The following GATAD2A variants were observed in gnomAD, a reference collection of about 807,000 sequenced individuals.
GATAD2A encodes the protein GATA zinc finger domain containing 2A, also known as transcriptional repressor p66-alpha.
GATAD2A carries 12 observed loss-of-function variants against 68.5 expected under a neutral mutation model. That is an observed-to-expected ratio of 0.18 (90% CI 0.11 to 0.28). GATAD2A has a LOEUF of 0.28. GATAD2A is among the 10% of genes least tolerant of loss of function. The pLI is 1.00. For synonymous variants in GATAD2A, 410 were observed against 375.3 expected, an observed-to-expected ratio of 1.09 and a Z score of -1.07; for missense variants, 755 against 868.5, an observed-to-expected ratio of 0.87 and a Z score of 1.64.
In GATAD2A at chr19:19,465,598, A is replaced by G. The variant is rs1446576714; in HGVS notation, c.253A>G (p.Met85Val). 1.2e-6 allele frequency: 2 copies of G among 1,610,578 alleles called. No individual in the cohort carries two copies. The highest frequency in any genetic ancestry group is 1.7e-5 in the Admixed American group (1 of 59,324). Residue 85 changes from methionine to valine, a missense_variant, in exon 2 of 12, where the codon ATG becomes GTG. By Grantham distance (21) the Met-to-Val change is conservative. Transcript: ENST00000683918. Reference sequence around the variant, plus strand: ...GCTGGTGGGCGATGGGCCCGTGGACATGCGCACCTCACACAGGTGAGTGGG... The same window carrying G: ...GCTGGTGGGCGATGGGCCCGTGGACGTGCGCACCTCACACAGGTGAGTGGG... ...EGLVGDGPVDMRTSHSDMKSE... is the reference protein window; with the variant it reads ...EGLVGDGPVDVRTSHSDMKSE...
chr19:19,410,539 G>A (rs953942197), intron 1 of GATAD2A, among the ~76,000 whole-genome samples: 2 of 152,214 alleles, frequency 1.3e-5, no homozygotes, highest in Non-Finnish European at 2.9e-5. Context: ...CTGGCGCTGC[G>A]TGGCCTGCCT....
chr19:19,435,404 T>C (rs1334620577), intron 1 of GATAD2A, among the ~76,000 whole-genome samples: 5 of 152,142 alleles, frequency 3.3e-5, no homozygotes, highest in African/African-American at 1.2e-4. Flanking sequence ...TTGTATTTTT[T>C]TGTAGAGACA....
At chr19:19,448,895 C>T (rs1019746711) in intron 1 of GATAD2A, among the ~76,000 whole-genome samples, 2 of 152,106 alleles carry the variant, frequency 1.3e-5, no homozygotes, top group African/African-American at 4.8e-5. Context: ...GCTTTCATCT[C>T]GTGTTACCCG....
At chr19:19,472,701 T>C (rs1011591578) in intron 2 of GATAD2A, 13 of 151,500 alleles carry the variant, frequency 8.6e-5, no homozygotes, top group African/African-American at 3.2e-4. Flanking sequence ...TCTCCAGGGG[T>C]CCTGCAACTG....
intron 1 of GATAD2A, among the ~76,000 whole-genome samples, chr19:19,420,266 G>A (rs1476914823): frequency 4.7e-5 from 6 of 127,428 alleles, no homozygotes; most frequent in African/African-American, 1.5e-4. Flanking sequence ...CAGGTGATCC[G>A]CCCGCCTCGG....
chr19:19,450,670 C>T (rs919408898), intron 1 of GATAD2A, among the ~76,000 whole-genome samples: 2 of 149,838 alleles, frequency 1.3e-5, no homozygotes, highest in African/African-American at 2.5e-5. Context: ...GCTTTTTCTT[C>T]ATCGTGTTCA....
chr19:19,389,527 G>A (rs1029718740), intron 1 of GATAD2A, among the ~76,000 whole-genome samples: 3 of 152,146 alleles, frequency 2.0e-5, no homozygotes, highest in African/African-American at 7.2e-5. Context: ...GTTTCAACTC[G>A]AGCTATTTTC....
At position 19,482,746 on chromosome 19, in the gene GATAD2A, A is replaced by T. The variant is rs371616003; in HGVS notation, c.270-9560A>T. Reference sequence around the variant, plus strand: ...GTTTACTGGGTTTTTGAAACCTGAAAAGTTAGCCTTTCATTTCTTCGATTG... The same window carrying T: ...GTTTACTGGGTTTTTGAAACCTGAATAGTTAGCCTTTCATTTCTTCGATTG... On this transcript the variant is annotated intron_variant, in intron 2 of 11. Transcript: ENST00000683918. Among the ~76,000 whole-genome samples the T allele has an allele frequency of 8.5e-5, 13 of 152,112 alleles. No individual in the cohort carries two copies. The East Asian group carries it at 2.5e-3, about 29-fold the overall frequency.
intron 2 of GATAD2A, among the ~76,000 whole-genome samples, chr19:19,486,220 A>G (rs2059418160): frequency 6.6e-6 from 1 of 152,228 alleles, no homozygotes; most frequent in Non-Finnish European, 1.5e-5. Context: ...TTCCTCAGAA[A>G]GCTGTCAGGT....
At chr19:19,419,202 C>T (rs1013571883) in intron 1 of GATAD2A, among the ~76,000 whole-genome samples, 3 of 152,232 alleles carry the variant, frequency 2.0e-5, no homozygotes, top group East Asian at 1.9e-4. Context: ...TGGCTTGCTC[C>T]TGTGGTGCCC....
At chr19:19,482,079 C>G (rs1030346555) in intron 2 of GATAD2A, among the ~76,000 whole-genome samples, 1 of 151,858 alleles carries the variant, frequency 6.6e-6, no homozygotes, top group Non-Finnish European at 1.5e-5. Flanking sequence ...TGCACTCCAG[C>G]CTGGTTTACA....
At chr19:19,482,923 C>T (rs1206570087) in intron 2 of GATAD2A, among the ~76,000 whole-genome samples, 2 of 152,052 alleles carry the variant, frequency 1.3e-5, no homozygotes, top group Non-Finnish European at 2.9e-5. Context: ...GAGCATGGTA[C>T]TAAGGTCTCC....
At chr19:19,431,432 A>T (rs2053736762) in intron 1 of GATAD2A, among the ~76,000 whole-genome samples, 1 of 151,382 alleles carries the variant, frequency 6.6e-6, no homozygotes, top group South Asian at 2.1e-4. Context: ...GCGGTGGCTC[A>T]CACCTGTAAT....
chr19:19,473,879 A>G (rs10421166), intron 2 of GATAD2A, among the ~76,000 whole-genome samples: 5,341 of 152,096 alleles, frequency 0.035, 325 homozygotes, highest in African/African-American at 0.12. Flanking sequence ...TCGGGAGGTC[A>G]GGCTTGCAGT....
intron 1 of GATAD2A, among the ~76,000 whole-genome samples, chr19:19,424,798 G>A (rs955405563): frequency 3.3e-5 from 5 of 152,094 alleles, no homozygotes; most frequent in Admixed American, 6.6e-5. Flanking sequence ...CATATGACAG[G>A]TTAGGTGTTG....
intron 1 of GATAD2A, among the ~76,000 whole-genome samples, chr19:19,426,834 G>T (rs2053152527): frequency 6.6e-6 from 1 of 152,232 alleles, no homozygotes; most frequent in Non-Finnish European, 1.5e-5. Context: ...TCTTTATGCG[G>T]CTTATTTGAG....
intron 1 of GATAD2A, among the ~76,000 whole-genome samples, chr19:19,455,447 G>A (rs916778426): frequency 6.6e-6 from 1 of 151,886 alleles, no homozygotes; most frequent in Non-Finnish European, 1.5e-5. Context: ...CTGAGATTGT[G>A]CCGCGCCACT....
At chr19:19,480,226 T>C (rs2058962257) in intron 2 of GATAD2A, among the ~76,000 whole-genome samples, 1 of 152,216 alleles carries the variant, frequency 6.6e-6, no homozygotes, top group African/African-American at 2.4e-5. Flanking sequence ...TGAATGACAT[T>C]TTACTCACGT....
At chr19:19,478,471 G>A (rs1446427620) in intron 2 of GATAD2A, among the ~76,000 whole-genome samples, 1 of 152,036 alleles carries the variant, frequency 6.6e-6, no homozygotes, top group Non-Finnish European at 1.5e-5. Context: ...GCGCACTTCT[G>A]TAAGCCCAGC....
Sources: allele counts gnomAD v4.1 joint callset (sites outside exome capture counted in the v4.1 genomes callset), GRCh38; gene constraint gnomAD v4.1.1; transcripts MANE v1.5; gene names NCBI Gene and HGNC (gene_info 2026-07-23, HGNC 2026-07-21).